SCNN1B: variants seen among roughly 807,000 people sequenced by gnomAD.
SCNN1B encodes the protein epithelial sodium channel subunit beta.
A neutral mutation model predicts 65.3 loss-of-function variants in SCNN1B; 46 were observed. The ratio of observed to expected loss-of-function variants is 0.70; its 90% CI spans 0.56 to 0.90. The LOEUF is 0.90. Among genes scored for constraint, SCNN1B ranks in the 40% least tolerant of loss-of-function variants. SCNN1B has a pLI of 0.00. For missense variants in SCNN1B, 751 were observed against 830.5 expected (o/e 0.90, Z 1.18); for synonymous variants, 349 against 330.6 (o/e 1.06, Z -0.60).
Position 23,355,294 on chromosome 16 carries a change from C to A in SCNN1B, c.586-5C>A. The A allele has an allele frequency of 1.2e-6, 2 of 1,614,186 alleles. No homozygotes were observed. Among genetic ancestry groups the A allele is most frequent in the Non-Finnish European group, 1.7e-6 (2 of 1,180,014 alleles). ...ACCCACAAAAACCCCTCTTGGCCTCCACAGTGTAGCCTCAACAGGACCCAG... is the reference window on the plus strand; with the variant it reads ...ACCCACAAAAACCCCTCTTGGCCTCAACAGTGTAGCCTCAACAGGACCCAG... On this transcript the variant is annotated splice_region_variant and splice_polypyrimidine_tract_variant and intron_variant, in intron 3 of 12. Transcript: ENST00000343070.
At chr16:23,318,885 C>G (rs1369593979) in intron 1 of SCNN1B, among the ~76,000 whole-genome samples, 1 of 152,226 alleles carries the variant, frequency 6.6e-6, no homozygotes, top group African/African-American at 2.4e-5. Context: ...AGGGCCAGAT[C>G]AAGCTGGTAC....
chr16:23,352,517 A>T (rs1487918805), intron 2 of SCNN1B, among the ~76,000 whole-genome samples: 1 of 152,184 alleles, frequency 6.6e-6, no homozygotes, highest in Admixed American at 6.5e-5. Context: ...TTAAAGTGGC[A>T]GTCTCCCCTG....
intron 7 of SCNN1B, among the ~76,000 whole-genome samples, chr16:23,373,901 C>T (rs185088897): frequency 2.6e-3 from 398 of 152,274 alleles, no homozygotes; most frequent in Non-Finnish European, 4.6e-3. Context: ...CCCCAGAAAC[C>T]TCATTCCAGG....
chr16:23,324,501 G>C (rs541257652), intron 1 of SCNN1B, among the ~76,000 whole-genome samples: 1 of 152,114 alleles, frequency 6.6e-6, no homozygotes, highest in East Asian at 1.9e-4. Flanking sequence ...CTGGCCCCTG[G>C]CACATTTTTA....
At chr16:23,372,785 C>A (rs889712242) in intron 7 of SCNN1B, among the ~76,000 whole-genome samples, 3 of 150,984 alleles carry the variant, frequency 2.0e-5, no homozygotes, top group Non-Finnish European at 4.4e-5. Context: ...AGCCACCGCA[C>A]CCGGACTTTA....
At position 23,371,342 on chromosome 16, in the gene SCNN1B, C is replaced by A; in HGVS notation, c.924C>A (p.Pro308=). Reference sequence around the variant, plus strand: ...ACATAGGCCAGGAAGACTACGTCCCCTTCCTTGCGTCCACGGCCGGGGTCA... The same window carrying A: ...ACATAGGCCAGGAAGACTACGTCCCATTCCTTGCGTCCACGGCCGGGGTCA... The part of the protein sequence containing the change: ...ILDIGQEDYV[P]FLASTAGVRL... The change falls in exon 6 of 13, where the codon CCC becomes CCA. Residue 308 remains proline, a synonymous_variant. Coordinates refer to ENST00000343070, the MANE Select transcript of SCNN1B (RefSeq NM_000336.3). 3 of 1,614,176 alleles carry A rather than the reference C, an allele frequency of 1.9e-6. No individual in the cohort carries two copies. The highest frequency in any genetic ancestry group is 1.7e-6 in the Non-Finnish European group (2 of 1,180,008).
At chr16:23,374,014 C>T (rs1207078280) in intron 7 of SCNN1B, among the ~76,000 whole-genome samples, 1 of 152,144 alleles carries the variant, frequency 6.6e-6, no homozygotes, top group Non-Finnish European at 1.5e-5. Context: ...CATGGACACC[C>T]CAACCAGGAG....
intron 5 of SCNN1B, among the ~76,000 whole-genome samples, chr16:23,369,101 G>A (rs547385012): frequency 6.6e-6 from 1 of 152,304 alleles, no homozygotes; most frequent in East Asian, 1.9e-4. Flanking sequence ...CCTCTCTGGT[G>A]TACAGTTTGT....
chr16:23,292,216 C>T (rs1164484350), intron 2 of SCNN1B, among the ~76,000 whole-genome samples: 2 of 142,994 alleles, frequency 1.4e-5, no homozygotes, highest in Non-Finnish European at 3.0e-5. Flanking sequence ...TTTTTTGAGA[C>T]GGAGTCTCGC....
intron 1 of SCNN1B, among the ~76,000 whole-genome samples, chr16:23,344,360 A>G (rs1046425380): frequency 5.5e-4 from 83 of 152,190 alleles, no homozygotes; most frequent in African/African-American, 1.9e-3. Context: ...AAATCAGAAT[A>G]ATTACATGAG....
chr16:23,330,857 G>A (rs1420826410), intron 1 of SCNN1B, among the ~76,000 whole-genome samples: 2 of 152,098 alleles, frequency 1.3e-5, no homozygotes, highest in Non-Finnish European at 2.9e-5. Flanking sequence ...CACCATGCCC[G>A]GCCGAGATCT....
intron 4 of SCNN1B, among the ~76,000 whole-genome samples, chr16:23,358,738 C>A (rs1962471120): frequency 6.6e-6 from 1 of 152,160 alleles, no homozygotes; most frequent in Non-Finnish European, 1.5e-5. Context: ...AAAACCCCAT[C>A]TCTACTAAAT....
intron 1 of SCNN1B, among the ~76,000 whole-genome samples, chr16:23,324,649 C>T (rs1757309317): frequency 6.6e-6 from 1 of 152,160 alleles, no homozygotes; most frequent in South Asian, 2.1e-4. Flanking sequence ...GCATTTTATT[C>T]CCAATGGAAC....
At chr16:23,373,796 A>G (rs1962832773) in intron 7 of SCNN1B, among the ~76,000 whole-genome samples, 2 of 152,100 alleles carry the variant, frequency 1.3e-5, no homozygotes, top group African/African-American at 4.8e-5. Flanking sequence ...TCTGCCCATT[A>G]TGGAGAACTC....
chr16:23,291,735 G>A (rs193178648), intron 2 of SCNN1B, among the ~76,000 whole-genome samples: 43 of 140,104 alleles, frequency 3.1e-4, no homozygotes, highest in Non-Finnish European at 5.6e-4. Context: ...CCACCACCAC[G>A]CAGCTAATTT....
chr16:23,314,496 G>A (rs1425997641), intron 1 of SCNN1B, among the ~76,000 whole-genome samples: 1 of 152,142 alleles, frequency 6.6e-6, no homozygotes, highest in Non-Finnish European at 1.5e-5. Context: ...AGGTCACACA[G>A]AGCTAGCAAA....
rs80249863 is a variant in SCNN1B at position 23,282,715 on chromosome 16, C to A, written n.111-1022C>A. On this transcript the variant is annotated intron_variant and non_coding_transcript_variant, in intron 1 of 3. Coordinates refer to the SCNN1B transcript ENST00000569789. ...TGTCAGTTTACTATTGCCATGGCAA[C>A]GCCTGCCCCCTTCCATGGCAACAAC... Among the ~76,000 whole-genome samples, 3 of 152,204 alleles carry A rather than the reference C, an allele frequency of 2.0e-5. No individual in the cohort carries two copies. The South Asian group carries it at 6.2e-4, about 32-fold the overall frequency.
chr16:23,380,385 T>C lies in SCNN1B; in HGVS notation c.1543-36T>C. The C allele has an allele frequency of 6.2e-7, 1 of 1,613,742 alleles. No homozygotes were observed. Among genetic ancestry groups the C allele is most frequent in the Non-Finnish European group, 8.5e-7 (1 of 1,180,006 alleles). ...AGGCTGGGCTAGAGGCAAGAATGTG[T>C]GGCCTGAGCTCACCCCAGCTCCCTG... On this transcript the variant is annotated intron_variant, in intron 12 of 12. Coordinates refer to ENST00000343070, the MANE Select transcript of SCNN1B (RefSeq NM_000336.3). The surrounding 1 kb of genome is among the most constrained non-coding windows in gnomAD (Gnocchi z 5.4).
At chr16:23,336,625 C>T (rs967190041) in intron 1 of SCNN1B, among the ~76,000 whole-genome samples, 23 of 152,140 alleles carry the variant, frequency 1.5e-4, no homozygotes, top group African/African-American at 5.3e-4. Context: ...CCACCTCGGC[C>T]TCCCAAAGTG....
Sources: gnomAD v4.1 joint callset for allele counts (sites outside exome capture counted in the v4.1 genomes callset) on GRCh38, gnomAD v4.1.1 for gene constraint, Gnocchi (gnomAD v3.1) non-coding constraint, MANE v1.5 for transcripts, NCBI Gene and HGNC (gene_info 2026-07-23, HGNC 2026-07-21) for gene names.